SOSTDC1: variants seen among roughly 807,000 people sequenced by gnomAD.
SOSTDC1 encodes the protein sclerostin domain containing 1, also known as sclerostin domain-containing protein 1.
SOSTDC1 carries 7 observed loss-of-function variants against 15.1 expected under a neutral mutation model. The observed-to-expected ratio is 0.46, with a 90% CI of 0.26 to 0.87. SOSTDC1 has a LOEUF of 0.87. Among genes scored for constraint, SOSTDC1 ranks in the 40% least tolerant of loss-of-function variants. The pLI is 0.15. For missense variants in SOSTDC1, 242 were observed against 259.2 expected (o/e 0.93, Z 0.46); for synonymous variants, 94 against 93.2 (o/e 1.01, Z -0.05).
At position 16,461,727 on chromosome 7, in the gene SOSTDC1, T is replaced by G. The variant is rs1781213753; in HGVS notation, c.*821A>C. 6.5e-6 allele frequency: 1 copy of G among 152,678 alleles called. No homozygotes were observed. Among genetic ancestry groups the G allele is most frequent in the African/African-American group, 2.4e-5 (1 of 41,470 alleles). 9.5% of individuals were successfully genotyped at this position (152,678 alleles called of 1,614,324 possible). ...ATGAACATATATGTAATAAGGAGAC[T>G]AAAATATTCATTTTACATATCTACA... On this transcript the variant is annotated 3_prime_UTR_variant, in exon 2 of 2. Transcript: ENST00000307068.
In SOSTDC1 at chr7:16,465,412, C is replaced by T. The variant is rs1781286913; in HGVS notation, c.205+52G>A. 5.5e-6 allele frequency: 8 copies of T among 1,444,460 alleles called. No homozygotes were observed. The Middle Eastern group carries it at 5.7e-4, about 104-fold the overall frequency. The allele number at this position is 1,444,460 out of a possible 1,614,324, so 89.5% of individuals were successfully genotyped here. ...TAAAACAATTCTACAGGAATGTGAG[C>T]TAATGCTACCAGAAAAGAAAAAAAA... On this transcript the variant is annotated intron_variant, in intron 1 of 1. Transcript: ENST00000307068.
chr7:16,464,039 T>C (rs1781255205), intron 1 of SOSTDC1, among the ~76,000 whole-genome samples: 1 of 151,686 alleles, frequency 6.6e-6, no homozygotes, highest in African/African-American at 2.4e-5. Context: ...GCTGCTGACA[T>C]TTTACAAATA....
chr7:16,463,047 A>G, intron 1 of SOSTDC1, 84 bp from the exon 2 acceptor site: 1 of 1,363,040 alleles, frequency 7.3e-7, no homozygotes, highest in Non-Finnish European at 9.8e-7. Context: ...GACAAAAATA[A>G]TAGGCAAATG....
Position 16,465,076 on chromosome 7 carries a change from G to A in SOSTDC1, c.205+388C>T, listed in dbSNP as rs879908566. Among the ~76,000 whole-genome samples, 15 of 152,006 alleles carry A rather than the reference G, an allele frequency of 9.9e-5. No individual in the cohort carries two copies. In the South Asian group the frequency reaches 1.0e-3, roughly 11 times the overall value. On this transcript the variant is annotated intron_variant, in intron 1 of 1. Coordinates refer to ENST00000307068, the MANE Select transcript of SOSTDC1 (RefSeq NM_015464.3). ...GTAACTAATAATATATATTAGTTACGTTTATACACTTTACCAAAATTGCAT... is the reference window on the plus strand; with the variant it reads ...GTAACTAATAATATATATTAGTTACATTTATACACTTTACCAAAATTGCAT...
At chr7:16,464,652 T>TTCTCTC (rs72323066) in intron 1 of SOSTDC1, among the ~76,000 whole-genome samples, 9,138 of 150,258 alleles carry the variant, frequency 0.061, 889 homozygotes, top group African/African-American at 0.21. Flanking sequence ...TGCGCAGTGT[T>TTCTCTC]TCTCTCTCTC....
At position 16,462,926 on chromosome 7, in the gene SOSTDC1, G is replaced by T. The variant is rs892597490; in HGVS notation, c.243C>A (p.Thr81=). The T allele has an allele frequency of 1.9e-6, 3 of 1,591,832 alleles. No individual in the cohort carries two copies. Among genetic ancestry groups the T allele is most frequent in the Non-Finnish European group, 1.7e-6 (2 of 1,164,456 alleles). Reference sequence around the variant, plus strand: ...TGCACTGGCCATCAGAGATGTATTTGGTGGAACGCAGTTCCCGGCAACCCA... The same window carrying T: ...TGCACTGGCCATCAGAGATGTATTTTGTGGAACGCAGTTCCCGGCAACCCA... The part of the protein sequence containing the change: ...VQVGCRELRS[T]KYISDGQCTS... Residue 81 remains threonine, a synonymous_variant, in exon 2 of 2, where the codon ACC becomes ACA. Transcript: ENST00000307068.
chr7:16,463,254 T>C lies in SOSTDC1; in HGVS notation c.206-291A>G, dbSNP rs898831060. 2.6e-5 allele frequency among the ~76,000 whole-genome samples: 4 copies of C among 152,322 alleles called. No homozygotes were observed. In the East Asian group the frequency reaches 7.7e-4, roughly 29 times the overall value. Reference sequence around the variant, plus strand: ...CTTATTAGAGTGTTTGAAAATCCAATTTCCTTAGTCTGACTCTCCAATAAG... The same window carrying C: ...CTTATTAGAGTGTTTGAAAATCCAACTTCCTTAGTCTGACTCTCCAATAAG... On this transcript the variant is annotated intron_variant, in intron 1 of 1. Transcript: ENST00000307068.
Position 16,462,404 on chromosome 7 carries a change from C to G in SOSTDC1, c.*144G>C. On this transcript the variant is annotated 3_prime_UTR_variant, in exon 2 of 2. Coordinates refer to ENST00000307068, the MANE Select transcript of SOSTDC1 (RefSeq NM_015464.3). The stretch of plus-strand genomic sequence containing the variant: ...ACTATTCCCAAAGAAGGTCCTGATA[C>G]TTAAGACAGCTTGCTGGGTTTGATC... 1 of 873,896 alleles carries G rather than the reference C, an allele frequency of 1.1e-6. No individual in the cohort carries two copies. Among genetic ancestry groups the G allele is most frequent in the Non-Finnish European group, 1.8e-6 (1 of 561,986 alleles). The allele number at this position is 873,896 out of a possible 1,614,324, so 54.1% of individuals were successfully genotyped here. A position where few individuals can be genotyped will look rare whatever the true frequency, so the allele number is the denominator to read the frequency against.
chr7:16,462,837 G>A lies in SOSTDC1; in HGVS notation c.332C>T (p.Pro111Leu). ...TCCATAGCCTCCTCCAATCCAGTTAGGGAGCACTGGCAGGGGCAAGCACTC... is the reference window on the plus strand; with the variant it reads ...TCCATAGCCTCCTCCAATCCAGTTAAGGAGCACTGGCAGGGGCAAGCACTC... ...AGECLPLPVLPNWIGGGYGTK... is the reference protein window; with the variant it reads ...AGECLPLPVLLNWIGGGYGTK... The change falls in exon 2 of 2, where the codon CCT becomes CTT. Residue 111 changes from proline (P) to leucine (L), a missense_variant. By Grantham distance (98) the Pro-to-Leu change is moderately conservative. Coordinates refer to ENST00000307068, the MANE Select transcript of SOSTDC1 (RefSeq NM_015464.3). The A allele has an allele frequency of 1.2e-6, 2 of 1,614,076 alleles. No homozygotes were observed. Among genetic ancestry groups the A allele is most frequent in the Non-Finnish European group, 1.7e-6 (2 of 1,180,006 alleles).
Position 16,465,497 on chromosome 7 carries a change from T to G in SOSTDC1, c.172A>C (p.Arg58=). ...TCCAGTCCAGTGTTACTGAAATGCCTGCCTCCATTTCTGGCTTGATTCAAC... is the reference window on the plus strand; with the variant it reads ...TCCAGTCCAGTGTTACTGAAATGCCGGCCTCCATTTCTGGCTTGATTCAAC... ...STLNQARNGG[R]HFSNTGLDRN... The change falls in exon 1 of 2, where the codon AGG becomes CGG. Residue 58 remains arginine (R), a synonymous_variant. Transcript: ENST00000307068. The G allele has an allele frequency of 1.2e-6, 2 of 1,614,154 alleles. No homozygotes were observed. Among genetic ancestry groups the G allele is most frequent in the Middle Eastern group, 1.6e-4 (1 of 6,062 alleles).
rs1781214370 is a variant in SOSTDC1 at position 16,461,778 on chromosome 7, C to A, written c.*770G>T. ...ACATGTATTTCATATTTCTAATCAACCACAAATCATATAGGAAAATATTTA... is the reference window on the plus strand; with the variant it reads ...ACATGTATTTCATATTTCTAATCAAACACAAATCATATAGGAAAATATTTA... On this transcript the variant is annotated 3_prime_UTR_variant, in exon 2 of 2. Coordinates refer to ENST00000307068, the MANE Select transcript of SOSTDC1 (RefSeq NM_015464.3). The A allele has an allele frequency of 6.6e-6, 1 of 152,450 alleles. No homozygotes were observed. The highest frequency in any genetic ancestry group is 1.5e-5 in the Non-Finnish European group (1 of 68,002). 9.4% of individuals were successfully genotyped at this position (152,450 alleles called of 1,614,324 possible). A position where few individuals can be genotyped will look rare whatever the true frequency, so the allele number is the denominator to read the frequency against.
intron 1 of SOSTDC1, chr7:16,464,474 C>T: frequency 3.3e-6 from 3 of 914,080 alleles, no homozygotes; most frequent in Non-Finnish European, 5.2e-6. Flanking sequence ...TAATAATAAT[C>T]AGATATGTCC....
Position 16,465,676 on chromosome 7 carries a change from AG to A in SOSTDC1, c.-9del, listed in dbSNP as rs1490033640. The A allele has an allele frequency of 6.2e-7, 1 of 1,612,720 alleles. No individual in the cohort carries two copies. Among genetic ancestry groups the A allele is most frequent in the Non-Finnish European group, 8.5e-7 (1 of 1,179,036 alleles). On this transcript the variant is annotated 5_prime_UTR_variant, in exon 1 of 2. Transcript: ENST00000307068. The stretch of plus-strand genomic sequence containing the variant: ...AATGGCAGGAGGAAGCATGGTGAGT[AG>A]AGGATTTGCTTGACTGAAGAGCTGG...
chr7:16,462,927 G>A lies in SOSTDC1; in HGVS notation c.242C>T (p.Thr81Ile), dbSNP rs759422466. The A allele has an allele frequency of 6.3e-7, 1 of 1,590,664 alleles. No homozygotes were observed. Among genetic ancestry groups the A allele is most frequent in the Non-Finnish European group, 8.6e-7 (1 of 1,163,840 alleles). ...GCACTGGCCATCAGAGATGTATTTGGTGGAACGCAGTTCCCGGCAACCCAC... is the reference window on the plus strand; with the variant it reads ...GCACTGGCCATCAGAGATGTATTTGATGGAACGCAGTTCCCGGCAACCCAC... ...VQVGCRELRS[T>I]KYISDGQCTS... Residue 81 changes from threonine (T) to isoleucine (I), a missense_variant, in exon 2 of 2, where the codon ACC becomes ATC. Transcript: ENST00000307068.
intron 1 of SOSTDC1, chr7:16,464,485 T>C: frequency 1.2e-6 from 1 of 821,726 alleles, no homozygotes. Flanking sequence ...AGATATGTCC[T>C]GTGTACTTAA....
At chr7:16,463,076 G>T in intron 1 of SOSTDC1, 113 bp from the exon 2 acceptor site, 1 of 1,021,038 alleles carries the variant, frequency 9.8e-7, no homozygotes, top group Non-Finnish European at 1.4e-6. Context: ...TTGCCAAATA[G>T]AAAGTGAGCA....
Position 16,462,712 on chromosome 7 carries a change from G to A in SOSTDC1, c.457C>T (p.Arg153Cys). 4 of 1,614,172 alleles carry A rather than the reference G, an allele frequency of 2.5e-6. No individual in the cohort carries two copies. Among genetic ancestry groups the A allele is most frequent in the South Asian group, 2.2e-5 (2 of 91,080 alleles). ...IQLQCQDGST[R>C]TYKITVVTAC... is the part of the protein sequence containing the mutation. ...GTGACTACTGTGATTTTGTAGGTGC[G>A]TGTGCTGCCATCTTGGCACTGCAGC... Residue 153 changes from arginine to cysteine, a missense_variant, in exon 2 of 2, where the codon CGC becomes TGC. Arg to Cys is a radical substitution (Grantham distance 180, BLOSUM62 -3). Coordinates refer to ENST00000307068, the MANE Select transcript of SOSTDC1 (RefSeq NM_015464.3).
chr7:16,464,605 TGAA>T (rs916397611), intron 1 of SOSTDC1, among the ~76,000 whole-genome samples: 5 of 151,956 alleles, frequency 3.3e-5, no homozygotes, highest in African/African-American at 7.3e-5. Flanking sequence ...TTGAATGGAG[TGAA>T]GAAGGAGAGG....
In SOSTDC1 at chr7:16,462,803, G is replaced by A. The variant is rs1781233824; in HGVS notation, c.366C>T (p.Tyr122=). 1 of 1,614,182 alleles carries A rather than the reference G, an allele frequency of 6.2e-7. No individual in the cohort carries two copies. The change falls in exon 2 of 2, where the codon TAC becomes TAT. Residue 122 remains tyrosine (Y), a synonymous_variant. Coordinates refer to ENST00000307068, the MANE Select transcript of SOSTDC1 (RefSeq NM_015464.3). ...ACTCCTGGGAGCTCCTCCTGCTCCA[G>A]TACTTTGTTCCATAGCCTCCTCCAA... ...NWIGGGYGTK[Y]WSRRSSQEWR... is the part of the protein sequence containing the mutation.
Sources: allele counts gnomAD v4.1 joint callset (sites outside exome capture counted in the v4.1 genomes callset), GRCh38; gene constraint gnomAD v4.1.1; transcripts MANE v1.5; gene names NCBI Gene and HGNC (gene_info 2026-07-23, HGNC 2026-07-21).